ALMS1: variants seen among roughly 807,000 people sequenced by gnomAD.
The protein encoded by ALMS1 is centrosome-associated protein ALMS1.
In ALMS1, 271 loss-of-function variants were observed where a neutral mutation model predicts 352.2. The observed-to-expected ratio is 0.77, with a 90% CI of 0.70 to 0.85. The LOEUF is 0.85. Ranked by LOEUF, ALMS1 falls within the 40% of genes least tolerant of loss-of-function variation. ALMS1 has a pLI of 0.00. For missense variants in ALMS1, 5,445 were observed against 4,870.7 expected (o/e 1.12, Z -3.51); for synonymous variants, 1,865 against 1,761.2 (o/e 1.06, Z -1.48).
chr2:73,529,234 G>A (rs1194442985), intron 11 of ALMS1, among the ~76,000 whole-genome samples: 4 of 151,898 alleles, frequency 2.6e-5, no homozygotes, highest in African/African-American at 9.7e-5. Context: ...AGTAGAGACG[G>A]GGTTTCACCA....
At chr2:73,394,680 C>G (rs1443841520) in intron 1 of ALMS1, among the ~76,000 whole-genome samples, 6 of 152,044 alleles carry the variant, frequency 3.9e-5, no homozygotes, top group Admixed American at 2.0e-4. Flanking sequence ...ATGGGATATC[C>G]TTTCATTTAT....
chr2:73,503,566 C>A (rs1358625443), intron 10 of ALMS1, among the ~76,000 whole-genome samples: 1 of 152,094 alleles, frequency 6.6e-6, no homozygotes, highest in Non-Finnish European at 1.5e-5. Context: ...CATACGTGTG[C>A]ATGTGTCTTT....
At chr2:73,530,858 C>T (rs1485689015) in intron 11 of ALMS1, among the ~76,000 whole-genome samples, 1 of 152,252 alleles carries the variant, frequency 6.6e-6, no homozygotes, top group African/African-American at 2.4e-5. Context: ...CTTGCACCCT[C>T]TGAAGCAATG....
At chr2:73,493,805 G>T (rs1025587303) in intron 10 of ALMS1, among the ~76,000 whole-genome samples, 1 of 152,160 alleles carries the variant, frequency 6.6e-6, no homozygotes, top group Non-Finnish European at 1.5e-5. Context: ...TTCATTTTGA[G>T]ATAATTTTAG....
At position 73,449,982 on chromosome 2, in the gene ALMS1, G is replaced by T; in HGVS notation, c.3455G>T (p.Ser1152Ile). ...TSYSQHREKP[S>I]IFHQQALPGT... is the part of the protein sequence containing the mutation. The stretch of plus-strand genomic sequence containing the variant: ...TACTCACAACATAGAGAAAAGCCCA[G>T]CATTTTCCACCAGCAGGCCTTGCCA... Residue 1152 changes from serine to isoleucine, a missense_variant, in exon 8 of 23, where the codon AGC becomes ATC. By Grantham distance (142) the Ser-to-Ile change is moderately radical. Transcript: ENST00000613296. 6.2e-7 allele frequency: 1 copy of T among 1,613,940 alleles called. No individual in the cohort carries two copies. The highest frequency in any genetic ancestry group is 8.5e-7 in the Non-Finnish European group (1 of 1,179,914).
intron 16 of ALMS1, among the ~76,000 whole-genome samples, chr2:73,594,797 T>A (rs1034665751): frequency 1.3e-5 from 2 of 152,238 alleles, no homozygotes; most frequent in African/African-American, 4.8e-5. Flanking sequence ...ATGTGTTTTT[T>A]CTCAGGTCTT....
chr2:73,430,917 G>T (rs1671486880), intron 6 of ALMS1, among the ~76,000 whole-genome samples: 1 of 151,858 alleles, frequency 6.6e-6, no homozygotes, highest in South Asian at 2.1e-4. Flanking sequence ...ATATTTATGT[G>T]TATGTATATA....
rs908226788 is a variant in ALMS1 at position 73,426,363 on chromosome 2, A to G, written c.1238-90A>G. Reference sequence around the variant, plus strand: ...GCCCAAGAGACATTGCTGAAAGCTGATATAGGCCAAGGTGAAAGTCCTTCG... The same window carrying G: ...GCCCAAGAGACATTGCTGAAAGCTGGTATAGGCCAAGGTGAAAGTCCTTCG... On this transcript the variant is annotated intron_variant, in intron 5 of 22. Coordinates refer to ENST00000613296, the MANE Select transcript of ALMS1 (RefSeq NM_001378454.1). The G allele has an allele frequency of 3.1e-6, 4 of 1,289,832 alleles. No individual in the cohort carries two copies. The African/African-American group carries it at 5.8e-5, about 19-fold the overall frequency. The allele number at this position is 1,289,832 out of a possible 1,614,324, so 79.9% of individuals were successfully genotyped here. A position where few individuals can be genotyped will look rare whatever the true frequency, so the allele number is the denominator to read the frequency against.
rs185793715 is a variant in ALMS1 at position 73,591,690 on chromosome 2, G to T, written c.11548-7711G>T. Among the ~76,000 whole-genome samples the T allele has an allele frequency of 1.8e-3, 276 of 152,222 alleles. 2 individuals carry two copies. The highest frequency in any genetic ancestry group is 5.2e-3 in the South Asian group (25 of 4,812). ...ATGAGGATATCATGAGTGAGATGAA[G>T]ATTTTAGAGTCATCCATGTAAAGGT... is the stretch of plus-strand genomic sequence containing the variant. On this transcript the variant is annotated intron_variant, in intron 16 of 22. Coordinates refer to ENST00000613296, the MANE Select transcript of ALMS1 (RefSeq NM_001378454.1).
intron 16 of ALMS1, among the ~76,000 whole-genome samples, chr2:73,581,764 T>C (rs76149498): frequency 6.6e-6 from 1 of 152,042 alleles, no homozygotes; most frequent in South Asian, 2.1e-4. Flanking sequence ...TTTTTTTTTT[T>C]TTGAGACGTA....
At chr2:73,493,643 AC>A (rs973577735) in intron 10 of ALMS1, among the ~76,000 whole-genome samples, 3 of 151,826 alleles carry the variant, frequency 2.0e-5, no homozygotes, top group African/African-American at 7.3e-5. Context: ...AATCGCTTGA[AC>A]CTGGGAGGCG....
intron 1 of ALMS1, among the ~76,000 whole-genome samples, chr2:73,387,473 A>T (rs1670562802): frequency 6.6e-6 from 1 of 152,182 alleles, no homozygotes; most frequent in Admixed American, 6.5e-5. Context: ...ATATCTGAAG[A>T]CAGTTTAAGG....
Position 73,454,343 on chromosome 2 carries a change from A to T in ALMS1, c.7540+276A>T, listed in dbSNP as rs1354468056. On this transcript the variant is annotated intron_variant, in intron 8 of 22. Coordinates refer to ENST00000613296, the MANE Select transcript of ALMS1 (RefSeq NM_001378454.1). ...CTGAGTTTACGTTCTTGTTCTTAGG[A>T]GAAGTAGATTCTGATGTATGACAGA... 6.1e-6 allele frequency: 6 copies of T among 985,324 alleles called. No individual in the cohort carries two copies. In the South Asian group the frequency reaches 1.9e-4, roughly 31 times the overall value. The allele number at this position is 985,324 out of a possible 1,614,324, so 61.0% of individuals were successfully genotyped here. A position where few individuals can be genotyped will look rare whatever the true frequency, so the allele number is the denominator to read the frequency against.
At chr2:73,602,408 G>A (rs1354918269) in intron 20 of ALMS1, 40 bp downstream of exon 20, 5 of 1,611,696 alleles carry the variant, frequency 3.1e-6, no homozygotes, top group South Asian at 1.1e-5. Flanking sequence ...GTGGAATAGA[G>A]AAGGCAAGGT....
intron 7 of ALMS1, among the ~76,000 whole-genome samples, chr2:73,432,967 A>T (rs1188175014): frequency 3.9e-5 from 6 of 152,190 alleles, no homozygotes; most frequent in Admixed American, 3.9e-4. Flanking sequence ...GGATGCAGAT[A>T]AGTTTGTAGA....
At position 73,386,047 on chromosome 2, in the gene ALMS1, A is replaced by C; in HGVS notation, c.179A>C (p.Tyr60Ser). Residue 60 changes from tyrosine to serine, a missense_variant, in exon 1 of 23, where the codon TAC becomes TCC. Physicochemically the swap from Tyr to Ser is moderately radical, Grantham distance 144. Coordinates refer to ENST00000613296, the MANE Select transcript of ALMS1 (RefSeq NM_001378454.1). ...AGRELDSDSH[Y>S]GPQHLESIDD... ...CGGGAGTTGGACTCCGACTCTCACTACGGGCCCCAGCATCTGGAAAGTATA... is the reference window on the plus strand; with the variant it reads ...CGGGAGTTGGACTCCGACTCTCACTCCGGGCCCCAGCATCTGGAAAGTATA... 2.5e-6 allele frequency: 4 copies of C among 1,578,082 alleles called. No individual in the cohort carries two copies. Among genetic ancestry groups the C allele is most frequent in the Non-Finnish European group, 3.4e-6 (4 of 1,162,478 alleles).
chr2:73,589,602 A>C (rs1044926733), intron 16 of ALMS1, among the ~76,000 whole-genome samples: 5 of 152,210 alleles, frequency 3.3e-5, no homozygotes, highest in Non-Finnish European at 7.3e-5. Flanking sequence ...CATATATAAA[A>C]GGTGTACCAT....
chr2:73,450,755 G>C lies in ALMS1; in HGVS notation c.4228G>C (p.Ala1410Pro), dbSNP rs201517720. The stretch of plus-strand genomic sequence containing the variant: ...AACTGAAGAGGCTAAGAACGTTTCA[G>C]CGGTTCCTGGACCAGGTGACCGGAA... ...HLTEEAKNVS[A>P]VPGPGDRKTG... The change falls in exon 8 of 23, where the codon GCG (alanine) becomes CCG (proline). Residue 1410 changes from alanine (A) to proline (P), a missense_variant. Ala to Pro is a conservative substitution (Grantham distance 27). Coordinates refer to ENST00000613296, the MANE Select transcript of ALMS1 (RefSeq NM_001378454.1). 1.9e-4 allele frequency: 313 copies of C among 1,612,478 alleles called. No individual in the cohort carries two copies. The Middle Eastern group carries it at 4.5e-3, about 23-fold the overall frequency.
intron 9 of ALMS1, among the ~76,000 whole-genome samples, chr2:73,488,941 A>G (rs964921166): frequency 1.3e-5 from 2 of 152,196 alleles, no homozygotes; most frequent in African/African-American, 4.8e-5. Context: ...AAGCTTCTGT[A>G]ATAGCCAAAC....
Sources: gnomAD v4.1 joint callset for allele counts (sites outside exome capture counted in the v4.1 genomes callset) on GRCh38, gnomAD v4.1.1 for gene constraint, MANE v1.5 for transcripts, NCBI Gene and HGNC (gene_info 2026-07-23, HGNC 2026-07-21) for gene names.